IL1RAPL1: variants seen among roughly 807,000 people sequenced by gnomAD.
The protein encoded by IL1RAPL1 is interleukin 1 receptor accessory protein like 1, also known as interleukin-1 receptor accessory protein-like 1.
IL1RAPL1 carries 3 observed loss-of-function variants against 48.4 expected under a neutral mutation model. The ratio of observed to expected loss-of-function variants is 0.06; its 90% CI spans 0.03 to 0.16. The LOEUF is 0.16. Ranked by LOEUF, IL1RAPL1 falls within the 10% of genes least tolerant of loss-of-function variation. IL1RAPL1 has a pLI of 1.00. For synonymous variants in IL1RAPL1, 185 were observed against 187.7 expected (o/e 0.99, Z 0.12); for missense variants, 349 against 530.6 (o/e 0.66, Z 3.36).
At chrX:29,449,226 A>G (rs1438394422) in intron 5 of IL1RAPL1, among the ~76,000 whole-genome samples, 5 of 111,946 alleles carry the variant, frequency 4.5e-5, no homozygotes, top group Admixed American at 2.9e-4. Context: ...GGTGTTGAGA[A>G]GCAGCCAGGG....
At chrX:28,625,394 G>A (rs772075163) in intron 1 of IL1RAPL1, among the ~76,000 whole-genome samples, 1 of 112,133 alleles carries the variant, frequency 8.9e-6, no homozygotes. Context: ...CACCTACTGG[G>A]CCCTTGTTCC....
intron 5 of IL1RAPL1, among the ~76,000 whole-genome samples, chrX:29,437,619 A>C (rs765818991): frequency 9.0e-6 from 1 of 110,620 alleles, no homozygotes; most frequent in Non-Finnish European, 1.9e-5. Flanking sequence ...TATTCTTCTA[A>C]GAATTCTTAT....
chrX:28,727,811 A>G (rs746225576), intron 1 of IL1RAPL1, among the ~76,000 whole-genome samples: 3 of 111,302 alleles, frequency 2.7e-5, no homozygotes, highest in African/African-American at 6.5e-5. Context: ...TCAGTAAACT[A>G]TCGCAAGAAC....
chrX:29,247,425 C>T (rs1931534431), intron 2 of IL1RAPL1, among the ~76,000 whole-genome samples: 1 of 108,219 alleles, frequency 9.2e-6, no homozygotes, highest in African/African-American at 3.5e-5. Context: ...ACTGAAATAA[C>T]ACGGACAGAG....
chrX:28,835,237 C>T (rs180907095), intron 2 of IL1RAPL1, among the ~76,000 whole-genome samples: 33 of 111,665 alleles, frequency 3.0e-4, no homozygotes, highest in Admixed American at 9.6e-4. Context: ...TGAAGCTGAC[C>T]CTCAACTACT....
At chrX:29,925,410 C>CTTTTTTTTTT (rs1569204989) in intron 8 of IL1RAPL1, among the ~76,000 whole-genome samples, 1 of 6,066 alleles carries the variant, frequency 1.6e-4, no homozygotes, top group Non-Finnish European at 4.2e-4. Context: ...TGTCCCGTAA[C>CTTTTTTTTTT]TGTTTTTTTT....
chrX:29,062,310 G>A (rs1927358848), intron 2 of IL1RAPL1, among the ~76,000 whole-genome samples: 1 of 112,352 alleles, frequency 8.9e-6, no homozygotes, highest in Non-Finnish European at 1.9e-5. Context: ...TTGTTTCCAA[G>A]TGTTATTGAA....
intron 5 of IL1RAPL1, among the ~76,000 whole-genome samples, chrX:29,630,497 A>G (rs1392453857): frequency 1.8e-5 from 2 of 110,908 alleles, no homozygotes; most frequent in Non-Finnish European, 1.9e-5. Flanking sequence ...GTCTCTTATT[A>G]GAAATGAAAC....
intron 5 of IL1RAPL1, among the ~76,000 whole-genome samples, chrX:29,477,042 G>A (rs919979516): frequency 9.4e-6 from 1 of 106,550 alleles, no homozygotes; most frequent in East Asian, 2.9e-4. Flanking sequence ...CACCGCGCCC[G>A]GCTAATTTTT....
At chrX:29,407,561 A>G (rs1934088883) in intron 5 of IL1RAPL1, among the ~76,000 whole-genome samples, 1 of 112,152 alleles carries the variant, frequency 8.9e-6, no homozygotes, top group South Asian at 3.7e-4. Flanking sequence ...TTATGTAAGT[A>G]ATATTGCCAT....
In IL1RAPL1 at chrX:28,757,238, A is replaced by C. The variant is rs540549029; in HGVS notation, c.-24-32082A>C. ...CTAAGTTGCCTATCCCAACTTTGAAAGTCTTTACCTCTGTTTCTCATTTGC... is the reference window on the plus strand; with the variant it reads ...CTAAGTTGCCTATCCCAACTTTGAACGTCTTTACCTCTGTTTCTCATTTGC... On this transcript the variant is annotated intron_variant, in intron 1 of 10. Transcript: ENST00000378993. Among the ~76,000 whole-genome samples, 22 of 112,561 alleles carry C rather than the reference A, an allele frequency of 2.0e-4. No individual in the cohort carries two copies. In the South Asian group the frequency reaches 7.7e-3, roughly 39 times the overall value.
chrX:28,699,756 A>G (rs761480155), intron 1 of IL1RAPL1, among the ~76,000 whole-genome samples: 2 of 112,139 alleles, frequency 1.8e-5, no homozygotes, highest in East Asian at 5.6e-4. Context: ...AATGATGGTA[A>G]AGTTGCCATC....
intron 3 of IL1RAPL1, among the ~76,000 whole-genome samples, chrX:29,333,614 G>A (rs1320472684): frequency 1.1e-5 from 1 of 89,418 alleles, no homozygotes; most frequent in Non-Finnish European, 2.2e-5. Context: ...AGACGGGGCG[G>A]CTGGCCGGGC....
chrX:29,199,593 G>C (rs1281230415), intron 2 of IL1RAPL1, among the ~76,000 whole-genome samples: 1 of 110,860 alleles, frequency 9.0e-6, no homozygotes, highest in Non-Finnish European at 1.9e-5. Context: ...CTCATAAGGA[G>C]CACATAACCT....
At chrX:29,332,216 C>G (rs1932893286) in intron 3 of IL1RAPL1, among the ~76,000 whole-genome samples, 1 of 74,046 alleles carries the variant, frequency 1.4e-5, no homozygotes, top group Non-Finnish European at 2.4e-5. Context: ...CTCTTCCTGA[C>G]TGGGGTCCAA....
At chrX:28,653,624 A>G (rs767585774) in intron 1 of IL1RAPL1, among the ~76,000 whole-genome samples, 1 of 112,179 alleles carries the variant, frequency 8.9e-6, no homozygotes, top group South Asian at 3.7e-4. Flanking sequence ...TGCTAGAGGT[A>G]CATAGACTCT....
At chrX:29,724,751 A>G (rs1927732374) in intron 6 of IL1RAPL1, among the ~76,000 whole-genome samples, 1 of 111,877 alleles carries the variant, frequency 8.9e-6, no homozygotes. Flanking sequence ...AAAAGTTAAG[A>G]TAATTATAGA....
chrX:28,723,857 T>C (rs764844032), intron 1 of IL1RAPL1, among the ~76,000 whole-genome samples: 2 of 112,200 alleles, frequency 1.8e-5, no homozygotes, highest in Non-Finnish European at 3.8e-5. Context: ...ATGTACCCAG[T>C]AGTCATTCAG....
chrX:29,500,333 A>G (rs943902131), intron 5 of IL1RAPL1, among the ~76,000 whole-genome samples: 1 of 112,050 alleles, frequency 8.9e-6, no homozygotes, highest in Non-Finnish European at 1.9e-5. Flanking sequence ...ATTGTTAACT[A>G]TAGTCACCCT....
Sources: allele counts gnomAD v4.1 joint callset (sites outside exome capture counted in the v4.1 genomes callset), GRCh38; gene constraint gnomAD v4.1.1; transcripts MANE v1.5; gene names NCBI Gene and HGNC (gene_info 2026-07-23, HGNC 2026-07-21).